The following EYA2 variants were observed in gnomAD, a reference collection of about 807,000 sequenced individuals.
EYA2 encodes the protein protein phosphatase EYA2.
EYA2 carries 31 observed loss-of-function variants against 69.2 expected under a neutral mutation model. The observed-to-expected ratio is 0.45, with a 90% CI of 0.34 to 0.60. The LOEUF (loss-of-function observed/expected upper bound fraction) is 0.60. EYA2 is among the 20% of genes least tolerant of loss of function. The pLI, the probability that EYA2 is intolerant of heterozygous loss-of-function variation, is 0.02. For synonymous variants in EYA2, 257 were observed against 279.4 expected, an observed-to-expected ratio of 0.92 and a Z score of 0.80; for missense variants, 622 against 701.2, an observed-to-expected ratio of 0.89 and a Z score of 1.28.
chr20:46,981,257 A>G (rs1980817105), intron 1 of EYA2, among the ~76,000 whole-genome samples: 1 of 152,188 alleles, frequency 6.6e-6, no homozygotes, highest in Non-Finnish European at 1.5e-5. Context: ...TGCTTGGGAA[A>G]TGAGAACCAT....
At chr20:46,911,056 G>A (rs1257486383) in intron 1 of EYA2, among the ~76,000 whole-genome samples, 1 of 152,172 alleles carries the variant, frequency 6.6e-6, no homozygotes, top group Non-Finnish European at 1.5e-5. Context: ...GGCTCTCCTA[G>A]AGTAGATTTA....
intron 1 of EYA2, among the ~76,000 whole-genome samples, chr20:46,899,667 GT>G (rs1457424968): frequency 6.6e-6 from 1 of 152,186 alleles, no homozygotes; most frequent in Non-Finnish European, 1.5e-5. Flanking sequence ...GGAACAGGTG[GT>G]GCCGAGAGTC....
At chr20:46,912,245 G>A (rs1275517690) in intron 1 of EYA2, among the ~76,000 whole-genome samples, 1 of 152,180 alleles carries the variant, frequency 6.6e-6, no homozygotes. Flanking sequence ...GTTCGCAACT[G>A]CTAACCGTGG....
At chr20:46,895,479 G>A (rs1428864900) in intron 1 of EYA2, among the ~76,000 whole-genome samples, 3 of 152,224 alleles carry the variant, frequency 2.0e-5, no homozygotes, top group Non-Finnish European at 4.4e-5. Flanking sequence ...CTGAGACTTT[G>A]CCTTCTAGCT....
intron 5 of EYA2, among the ~76,000 whole-genome samples, chr20:47,059,494 G>A (rs1260690557): frequency 6.6e-6 from 1 of 152,150 alleles, no homozygotes; most frequent in Non-Finnish European, 1.5e-5. Flanking sequence ...AGGATTACAG[G>A]TGCCCGCCAC....
intron 5 of EYA2, among the ~76,000 whole-genome samples, chr20:47,039,133 G>GCACA (rs1395545229): frequency 6.6e-6 from 1 of 150,814 alleles, no homozygotes; most frequent in Admixed American, 6.6e-5. Context: ...ACACACACAC[G>GCACA]CGCGCACAAT....
chr20:47,143,970 C>T (rs1184794140), intron 10 of EYA2, among the ~76,000 whole-genome samples: 2 of 152,308 alleles, frequency 1.3e-5, no homozygotes, highest in African/African-American at 4.8e-5. Context: ...CTTTCTCCAA[C>T]GTGAAGAAGG....
At chr20:46,978,824 C>T (rs555908594) in intron 1 of EYA2, among the ~76,000 whole-genome samples, 4 of 152,248 alleles carry the variant, frequency 2.6e-5, no homozygotes, top group Non-Finnish European at 5.9e-5. Flanking sequence ...ATGGATTGGA[C>T]GTGAGCATTG....
intron 10 of EYA2, among the ~76,000 whole-genome samples, chr20:47,154,662 A>G (rs1444968277): frequency 6.6e-6 from 1 of 151,982 alleles, no homozygotes; most frequent in Non-Finnish European, 1.5e-5. Flanking sequence ...TCAAAGGAAG[A>G]AAAGAAAGTG....
At chr20:46,993,108 T>C (rs1212371603) in intron 2 of EYA2, among the ~76,000 whole-genome samples, 4 of 152,210 alleles carry the variant, frequency 2.6e-5, no homozygotes, top group Non-Finnish European at 1.5e-5. Context: ...TCTTACCAGC[T>C]GTGGGACCCT....
chr20:46,978,290 A>T lies in EYA2; in HGVS notation c.-10-11711A>T, dbSNP rs542851323. ...GTCATGGGGAGACCTAGGGAAATTA[A>T]ATAACTCACAAACACCTGTAAAAAC... is the stretch of plus-strand genomic sequence containing the variant. On this transcript the variant is annotated intron_variant, in intron 1 of 15. Transcript: ENST00000327619. 156 of 279,630 alleles carry T rather than the reference A, an allele frequency of 5.6e-4. 2 individuals are homozygous for T. In the South Asian group the frequency reaches 5.7e-3, roughly 10 times the overall value. 17.3% of individuals were successfully genotyped at this position (279,630 alleles called of 1,614,324 possible). A position where few individuals can be genotyped will look rare whatever the true frequency, so the allele number is the denominator to read the frequency against.
At chr20:46,907,022 C>T (rs1359824705) in intron 1 of EYA2, among the ~76,000 whole-genome samples, 1 of 152,202 alleles carries the variant, frequency 6.6e-6, no homozygotes, top group Non-Finnish European at 1.5e-5. Flanking sequence ...CTACCACTTA[C>T]TAGCCTTGGG....
At position 47,097,147 on chromosome 20, in the gene EYA2, A is replaced by G. The variant is rs1568776097; in HGVS notation, c.867A>G (p.Thr289=). 6.2e-7 allele frequency: 1 copy of G among 1,610,770 alleles called. No homozygotes were observed. The highest frequency in any genetic ancestry group is 1.3e-5 in the African/African-American group (1 of 74,774). The change falls in exon 9 of 16, where the codon ACA becomes ACG. Residue 289 remains threonine, a synonymous_variant. Transcript: ENST00000327619. The part of the protein sequence containing the change: ...IIIFHSLLTG[T]FASRYGKDTT... The stretch of plus-strand genomic sequence containing the variant: ...TTTTTCACTCCTTACTCACGGGGAC[A>G]TTTGCATCCAGATACGGGAAGGTAA...
chr20:47,063,131 C>CA (rs1491289202), intron 5 of EYA2, among the ~76,000 whole-genome samples: 4 of 152,142 alleles, frequency 2.6e-5, no homozygotes, highest in African/African-American at 9.7e-5. Flanking sequence ...TTAGTGCGTT[C>CA]ACAGTGTTAT....
intron 15 of EYA2, among the ~76,000 whole-genome samples, chr20:47,183,603 G>A (rs2034579735): frequency 1.3e-5 from 2 of 152,140 alleles, no homozygotes; most frequent in South Asian, 4.1e-4. Context: ...TCTGGCTGCT[G>A]CCCCTGGTAG....
intron 1 of EYA2, among the ~76,000 whole-genome samples, chr20:46,958,055 C>T (rs923122641): frequency 3.3e-5 from 5 of 152,158 alleles, no homozygotes; most frequent in South Asian, 4.1e-4. Context: ...CAAAGTTGAT[C>T]GCTAAGACTT....
At chr20:47,005,626 G>A (rs551718875) in intron 4 of EYA2, among the ~76,000 whole-genome samples, 1 of 152,396 alleles carries the variant, frequency 6.6e-6, no homozygotes, top group South Asian at 2.1e-4. Flanking sequence ...AAGGAGAACA[G>A]GGTGATGGAG....
At chr20:46,924,094 TA>T (rs1346152394) in intron 1 of EYA2, among the ~76,000 whole-genome samples, 2 of 152,208 alleles carry the variant, frequency 1.3e-5, no homozygotes, top group African/African-American at 4.8e-5. Context: ...AGTTATCTTC[TA>T]TTTTTTGACA....
intron 10 of EYA2, among the ~76,000 whole-genome samples, chr20:47,144,566 A>T (rs2033664830): frequency 6.6e-6 from 1 of 152,186 alleles, no homozygotes; most frequent in African/African-American, 2.4e-5. Flanking sequence ...AAGCATACAG[A>T]TTTTTCTTTC....
Sources: gnomAD v4.1 joint callset for allele counts (sites outside exome capture counted in the v4.1 genomes callset) on GRCh38, gnomAD v4.1.1 for gene constraint, MANE v1.5 for transcripts, NCBI Gene and HGNC (gene_info 2026-07-23, HGNC 2026-07-21) for gene names.